The following CAD variants were observed in gnomAD, a reference collection of about 807,000 sequenced individuals.
The protein encoded by CAD is multifunctional protein CAD.
A neutral mutation model predicts 237.2 loss-of-function variants in CAD; 81 were observed. That is an observed-to-expected ratio of 0.34 (90% CI 0.29 to 0.41). The LOEUF is 0.41. CAD is among the 10% of genes least tolerant of loss of function. The pLI is 1.00. For missense variants in CAD, 2,181 were observed against 2,951.7 expected (o/e 0.74, Z 6.05); for synonymous variants, 1,196 against 1,162.8 (o/e 1.03, Z -0.58).
chr2:27,226,996 C>A, intron 15 of CAD, 34 bp downstream of exon 15: 1 of 1,601,096 alleles, frequency 6.2e-7, no homozygotes, highest in South Asian at 1.1e-5. Flanking sequence ...CCCATGGGGC[C>A]CCACCATGAC....
Position 27,239,667 on chromosome 2 carries a change from C to T in CAD, c.5395-30C>T. The T allele has an allele frequency of 6.5e-7, 1 of 1,540,894 alleles. No homozygotes were observed. Among genetic ancestry groups the T allele is most frequent in the Non-Finnish European group, 8.8e-7 (1 of 1,134,644 alleles). On this transcript the variant is annotated intron_variant, in intron 33 of 43. Coordinates refer to ENST00000264705, the MANE Select transcript of CAD (RefSeq NM_004341.5). This position sits in a 1 kb window ranked among gnomAD's most constrained non-coding sequence, Gnocchi z 4.0. ...TTTAGGACCTGAGTTCTCTCTGCTC[C>T]CTCCTGAGTGCCCTGCCTTCTGCCT...
rs774497396 is a variant in CAD at position 27,221,206 on chromosome 2, T to C, written c.223-12T>C. The C allele has an allele frequency of 1.3e-6, 2 of 1,501,074 alleles. No homozygotes were observed. The highest frequency in any genetic ancestry group is 1.4e-5 in the South Asian group (1 of 73,018). The allele number at this position is 1,501,074 out of a possible 1,614,324, so 93.0% of individuals were successfully genotyped here. On this transcript the variant is annotated splice_polypyrimidine_tract_variant and intron_variant, in intron 2 of 43. Coordinates refer to ENST00000264705, the MANE Select transcript of CAD (RefSeq NM_004341.5). ...TGGCCTGAGGCTTCTCACAATCTCT[T>C]TCCATCTACAGTGGTTTGAATCCTC...
intron 15 of CAD, 26 bp from the exon 16 acceptor site, chr2:27,231,439 CCTT>C (rs1203427643): frequency 7.5e-7 from 1 of 1,325,362 alleles, no homozygotes; most frequent in African/African-American, 1.4e-5. Context: ...CACCTCCACA[CCTT>C]CATTCCTTCC....
Position 27,238,122 on chromosome 2 carries a change from G to A in CAD, c.4795G>A (p.Val1599Ile). Residue 1599 changes from valine to isoleucine, a missense_variant, in exon 30 of 44, where the codon GTC becomes ATC. Physicochemically the swap from Val to Ile is conservative, Grantham distance 29 (BLOSUM62 3). This residue lies in a region of CAD where 478 missense variants were observed against 515.0 expected (regional missense o/e 0.93). Coordinates refer to ENST00000264705, the MANE Select transcript of CAD (RefSeq NM_004341.5). ...CGCAGAGCAGCAAACCGTGGCTGCT[G>A]TCCTCATGGTGGCTCAGCTCACTCA... ...AHAEQQTVAA[V>I]LMVAQLTQRS... 6.2e-7 allele frequency: 1 copy of A among 1,614,210 alleles called. No homozygotes were observed. The highest frequency in any genetic ancestry group is 8.5e-7 in the Non-Finnish European group (1 of 1,180,026).
Position 27,235,298 on chromosome 2 carries a change from G to A in CAD, c.3840G>A (p.Val1280=), listed in dbSNP as rs774262245. ...RLAGADVVLG[V]EMTSTGEVAG... The stretch of plus-strand genomic sequence containing the variant: ...CGGGTGCTGACGTGGTGTTGGGTGT[G>A]GAAATGACCAGTACTGGGGAGGTGG... Residue 1280 remains valine (V), a synonymous_variant, in exon 24 of 44, where the codon GTG becomes GTA. Coordinates refer to ENST00000264705, the MANE Select transcript of CAD (RefSeq NM_004341.5). This position sits in a 1 kb window ranked among gnomAD's most constrained non-coding sequence, Gnocchi z 5.2. The A allele has an allele frequency of 1.2e-6, 2 of 1,613,890 alleles. No individual in the cohort carries two copies. The highest frequency in any genetic ancestry group is 2.2e-5 in the South Asian group (2 of 91,050).
In CAD at chr2:27,237,303, C is replaced by T. The variant is rs1319868150; in HGVS notation, c.4397-76C>T. On this transcript the variant is annotated intron_variant, in intron 27 of 43. Coordinates refer to ENST00000264705, the MANE Select transcript of CAD (RefSeq NM_004341.5). The surrounding 1 kb of genome is among the most constrained non-coding windows in gnomAD (Gnocchi z 4.0). ...CCTCCCAAAGTGCTAGGATTACAGG[C>T]GTGAGCCACCATGTCCAGCTCACCC... is the stretch of plus-strand genomic sequence containing the variant. 2.0e-5 allele frequency: 30 copies of T among 1,481,998 alleles called. No homozygotes were observed. The highest frequency in any genetic ancestry group is 6.9e-5 in the African/African-American group (5 of 72,584). 91.8% of individuals were successfully genotyped at this position (1,481,998 alleles called of 1,614,324 possible).
rs766978854 is a variant in CAD, at chr2:27,243,499, C to T, written c.6659C>T (p.Thr2220Ile). The change falls in exon 44 of 44, where the codon ACC becomes ATC. Residue 2220 changes from threonine (T) to isoleucine (I), a missense_variant. Transcript: ENST00000264705. Reference protein sequence around the residue: ...GMYIRMALLATVLGRF With the variant: ...GMYIRMALLAIVLGRF ...TACATCCGCATGGCTCTGTTAGCCACCGTGCTGGGCCGTTTCTAGGGCCTG... is the reference window on the plus strand; with the variant it reads ...TACATCCGCATGGCTCTGTTAGCCATCGTGCTGGGCCGTTTCTAGGGCCTG... 1.9e-6 allele frequency: 3 copies of T among 1,596,852 alleles called. No homozygotes were observed. Among genetic ancestry groups the T allele is most frequent in the Non-Finnish European group, 2.6e-6 (3 of 1,172,408 alleles).
rs1267161193 is a variant in CAD, at chr2:27,239,142, C to G, written c.5163C>G (p.Gly1721=). Residue 1721 remains glycine (G), a synonymous_variant, in exon 32 of 44, where the codon GGC becomes GGG. Transcript: ENST00000264705. This position sits in a 1 kb window ranked among gnomAD's most constrained non-coding sequence, Gnocchi z 4.0. ...LPLLLTAVSE[G]RLSLDDLLQR... ...TACTCCTGACGGCTGTAAGCGAGGG[C>G]CGGCTCAGCCTGGACGACCTGCTGC... 2 of 1,613,372 alleles carry G rather than the reference C, an allele frequency of 1.2e-6. No homozygotes were observed. The highest frequency in any genetic ancestry group is 3.3e-5 in the Admixed American group (2 of 59,922).
At chr2:27,230,252 T>C (rs1675673983) in intron 15 of CAD, among the ~76,000 whole-genome samples, 2 of 152,000 alleles carry the variant, frequency 1.3e-5, no homozygotes, top group African/African-American at 4.8e-5. Flanking sequence ...AGAATTAAGT[T>C]GGTGTTGATG....
At position 27,238,073 on chromosome 2, in the gene CAD, C is replaced by G. The variant is rs1572448185; in HGVS notation, c.4746C>G (p.Pro1582=). 1 of 1,614,178 alleles carries G rather than the reference C, an allele frequency of 6.2e-7. No individual in the cohort carries two copies. The highest frequency in any genetic ancestry group is 8.5e-7 in the Non-Finnish European group (1 of 1,180,030). The part of the protein sequence containing the change: ...VQWMEHFETW[P]SHLPIVAHAE... ...GCTCCCAGCATTTCGAGACATGGCC[C>G]TCCCACCTCCCCATTGTGGCTCACG... is the stretch of plus-strand genomic sequence containing the variant. Residue 1582 remains proline (P), a synonymous_variant, in exon 30 of 44, where the codon CCC becomes CCG. Coordinates refer to ENST00000264705, the MANE Select transcript of CAD (RefSeq NM_004341.5).
rs543310005 is a variant in CAD, at chr2:27,240,550, T to C, written c.5593+189T>C. On this transcript the variant is annotated intron_variant, in intron 35 of 43. Transcript: ENST00000264705. This position sits in a 1 kb window ranked among gnomAD's most constrained non-coding sequence, Gnocchi z 4.6. ...ACATCTCACAGCTTCTCACATGCCC[T>C]TTTTTGTTGTGGGCAGCTGTGTTCC... 5.8e-5 allele frequency: 89 copies of C among 1,545,850 alleles called. 1 individual carries two copies. The African/African-American group carries it at 1.0e-3, about 17-fold the overall frequency.
At position 27,235,927 on chromosome 2, in the gene CAD, A is replaced by G. The variant is rs2148083445; in HGVS notation, c.4074+287A>G. The G allele has an allele frequency of 2.0e-6, 1 of 488,584 alleles. No homozygotes were observed. Among genetic ancestry groups the G allele is most frequent in the Non-Finnish European group, 3.6e-6 (1 of 274,502 alleles). The allele number at this position is 488,584 out of a possible 1,614,324, so 30.3% of individuals were successfully genotyped here. A position where few individuals can be genotyped will look rare whatever the true frequency, so the allele number is the denominator to read the frequency against. Reference sequence around the variant, plus strand: ...CTATTCCCCTGCTTTTATTATTACCATTATACTAGTAAGCTATATTCCATG... The same window carrying G: ...CTATTCCCCTGCTTTTATTATTACCGTTATACTAGTAAGCTATATTCCATG... On this transcript the variant is annotated intron_variant, in intron 25 of 43. Transcript: ENST00000264705. This position sits in a 1 kb window ranked among gnomAD's most constrained non-coding sequence, Gnocchi z 5.2.
intron 5 of CAD, 73 bp from the exon 6 acceptor site, chr2:27,222,793 G>C: frequency 6.3e-7 from 1 of 1,578,864 alleles, no homozygotes; most frequent in Non-Finnish European, 8.7e-7. Context: ...ACTCTCATGG[G>C]CTGGGGGGGC....
intron 13 of CAD, 86 bp downstream of exon 13, chr2:27,226,405 G>A: frequency 6.5e-7 from 1 of 1,543,530 alleles, no homozygotes; most frequent in Non-Finnish European, 8.9e-7. Context: ...AGGTCTTTTG[G>A]GCTTACAGTC....
intron 1 of CAD, 36 bp from the exon 2 acceptor site, chr2:27,217,841 G>A (rs752468773): frequency 2.6e-5 from 40 of 1,560,568 alleles, no homozygotes; most frequent in Non-Finnish European, 3.3e-5. Context: ...TCCGAAGGGT[G>A]CCCTACCGGA....
At position 27,217,864 on chromosome 2, in the gene CAD, T is replaced by G; in HGVS notation, c.83-13T>G. 2 of 1,590,376 alleles carry G rather than the reference T, an allele frequency of 1.3e-6. No homozygotes were observed. The highest frequency in any genetic ancestry group is 1.7e-6 in the Non-Finnish European group (2 of 1,168,042). On this transcript the variant is annotated splice_polypyrimidine_tract_variant and intron_variant, in intron 1 of 43. Coordinates refer to ENST00000264705, the MANE Select transcript of CAD (RefSeq NM_004341.5). Reference sequence around the variant, plus strand: ...GTGCCCTACCGGAGCCCAGCCCTGCTTCTTTCTTGCAGTGTTTCAAACCGG... The same window carrying G: ...GTGCCCTACCGGAGCCCAGCCCTGCGTCTTTCTTGCAGTGTTTCAAACCGG...
At chr2:27,220,815 G>A (rs1320998267) in intron 2 of CAD, among the ~76,000 whole-genome samples, 2 of 152,106 alleles carry the variant, frequency 1.3e-5, no homozygotes, top group Admixed American at 6.6e-5. Context: ...AAAATTAGCC[G>A]GGTGTGGTGG....
At position 27,234,820 on chromosome 2, in the gene CAD, A is replaced by C. The variant is rs545542006; in HGVS notation, c.3786+135A>C. On this transcript the variant is annotated intron_variant, in intron 23 of 43. Coordinates refer to ENST00000264705, the MANE Select transcript of CAD (RefSeq NM_004341.5). ...GGATCGTGGGGGTAATGAGGTGGTC[A>C]TTGTCCCTTAAGAGCTTACTTTATG... is the stretch of plus-strand genomic sequence containing the variant. 9.6e-6 allele frequency: 8 copies of C among 837,564 alleles called. No individual in the cohort carries two copies. In the Admixed American group the frequency reaches 2.1e-4, roughly 22 times the overall value. 51.9% of individuals were successfully genotyped at this position (837,564 alleles called of 1,614,324 possible).
At position 27,242,798 on chromosome 2, in the gene CAD, T is replaced by C. The variant is rs1445332206; in HGVS notation, c.6378+23T>C. 1 of 1,614,140 alleles carries C rather than the reference T, an allele frequency of 6.2e-7. No individual in the cohort carries two copies. Among genetic ancestry groups the C allele is most frequent in the Non-Finnish European group, 8.5e-7 (1 of 1,180,000 alleles). On this transcript the variant is annotated intron_variant, in intron 41 of 43. Transcript: ENST00000264705. This position sits in a 1 kb window ranked among gnomAD's most constrained non-coding sequence, Gnocchi z 6.4. ...CAGGTGAGACCCTCACAGCCCTGCC[T>C]GGAAGCCATGGAGATGTGGGTTGGG...
Sources: allele counts gnomAD v4.1 joint callset (sites outside exome capture counted in the v4.1 genomes callset), GRCh38; gene constraint gnomAD v4.1.1; regional missense constraint gnomAD v4.1.1; non-coding constraint Gnocchi (gnomAD v3.1); transcripts MANE v1.5; gene names NCBI Gene and HGNC (gene_info 2026-07-23, HGNC 2026-07-21).